The following STMP1 variants were observed in gnomAD, a reference collection of about 807,000 sequenced individuals.
STMP1 encodes mitolamban.
STMP1 carries 7 observed loss-of-function variants against 7.0 expected under a neutral mutation model. The observed-to-expected ratio is 1.01, with a 90% CI of 0.57 to 1.89. STMP1 has a LOEUF of 1.89. STMP1 is among the 40% of genes most tolerant of loss of function. The pLI is 0.00. For synonymous variants in STMP1, 19 were observed against 18.4 expected (o/e 1.03, Z -0.08); for missense variants, 45 against 53.0 (o/e 0.85, Z 0.47).
In STMP1 at chr7:135,662,569, C is replaced by A. The variant is rs753825751; in HGVS notation, c.-11C>A. 6.5e-7 allele frequency: 1 copy of A among 1,548,512 alleles called. No individual in the cohort carries two copies. On this transcript the variant is annotated 5_prime_UTR_variant, in exon 1 of 3. Coordinates refer to ENST00000507606, the MANE Select transcript of STMP1 (RefSeq NM_001130929.2). The stretch of plus-strand genomic sequence containing the variant: ...GTCCTTCGCGCCCTCCTCGCCCTCC[C>A]CACCGACATCATGCTCCAGTTCCTG...
intron 1 of STMP1, among the ~76,000 whole-genome samples, chr7:135,672,301 A>G (rs763544150): frequency 4.6e-5 from 7 of 152,222 alleles, no homozygotes; most frequent in Non-Finnish European, 8.8e-5. Context: ...TTAAAAACTG[A>G]ATAATTTTTA....
chr7:135,662,738 C>G (rs2129493109), intron 1 of STMP1, 144 bp downstream of exon 1: 1 of 902,148 alleles, frequency 1.1e-6, no homozygotes, highest in Non-Finnish European at 1.6e-6. Context: ...GTCGTCGCCT[C>G]GCAGGGCGGC....
intron 1 of STMP1, among the ~76,000 whole-genome samples, chr7:135,668,053 T>C (rs1795314951): frequency 6.6e-6 from 1 of 152,184 alleles, no homozygotes; most frequent in African/African-American, 2.4e-5. Flanking sequence ...CCCAGCACCA[T>C]TTCTTGGAAA....
Position 135,674,344 on chromosome 7 carries a change from G to T in STMP1, c.*179G>T, listed in dbSNP as rs547090304. On this transcript the variant is annotated 3_prime_UTR_variant, in exon 3 of 3. Transcript: ENST00000507606. ...TGGGGCCCCAATTTGAGAACTACCC[G>T]ACATTTCCAACATACTCACCTCTTC... The T allele has an allele frequency of 1.1e-5, 6 of 553,050 alleles. No individual in the cohort carries two copies. The South Asian group carries it at 1.6e-4, about 15-fold the overall frequency. The allele number at this position is 553,050 out of a possible 1,614,324, so 34.3% of individuals were successfully genotyped here.
chr7:135,662,619 G>A (rs1474686523), intron 1 of STMP1, 25 bp downstream of exon 1: 2 of 1,544,602 alleles, frequency 1.3e-6, no homozygotes, highest in South Asian at 1.2e-5. Flanking sequence ...CGAAGAGCGG[G>A]GCCCGCTGCC....
rs1328656516 is a variant in STMP1 at position 135,662,545 on chromosome 7, T to G, written c.-35T>G. 4 of 1,543,786 alleles carry G rather than the reference T, an allele frequency of 2.6e-6. No individual in the cohort carries two copies. Among genetic ancestry groups the G allele is most frequent in the African/African-American group, 1.4e-5 (1 of 72,050 alleles). On this transcript the variant is annotated 5_prime_UTR_variant, in exon 1 of 3. Coordinates refer to ENST00000507606, the MANE Select transcript of STMP1 (RefSeq NM_001130929.2). Reference sequence around the variant, plus strand: ...GGACCGGCCCGCGGAGCTGCTGCAGTCCTTCGCGCCCTCCTCGCCCTCCCC... The same window carrying G: ...GGACCGGCCCGCGGAGCTGCTGCAGGCCTTCGCGCCCTCCTCGCCCTCCCC...
At chr7:135,673,047 C>G in intron 2 of STMP1, 1 of 502,846 alleles carries the variant, frequency 2.0e-6, no homozygotes, top group South Asian at 3.2e-5. Context: ...TCATGATCAT[C>G]CTCAGCTGTG....
In STMP1 at chr7:135,662,577, A is replaced by G. The variant is rs556660259; in HGVS notation, c.-3A>G. On this transcript the variant is annotated 5_prime_UTR_variant, in exon 1 of 3. Transcript: ENST00000507606. ...CGCCCTCCTCGCCCTCCCCACCGAC[A>G]TCATGCTCCAGTTCCTGGTGAGTGG... 14 of 1,547,982 alleles carry G rather than the reference A, an allele frequency of 9.0e-6. No individual in the cohort carries two copies. Among genetic ancestry groups the G allele is most frequent in the East Asian group, 2.5e-5 (1 of 40,288 alleles).
chr7:135,669,874 A>C (rs868790478), intron 1 of STMP1, among the ~76,000 whole-genome samples: 4 of 152,384 alleles, frequency 2.6e-5, no homozygotes, highest in Middle Eastern at 3.4e-3. Context: ...CAAATGAGTT[A>C]TGATGAAATG....
chr7:135,674,069 A>T (rs1364313729), intron 2 of STMP1, 22 bp from the exon 3 acceptor site: 2 of 1,498,616 alleles, frequency 1.3e-6, no homozygotes, highest in Non-Finnish European at 1.8e-6. Flanking sequence ...CAAAATTATA[A>T]TAACCTTTTT....
intron 1 of STMP1, among the ~76,000 whole-genome samples, chr7:135,670,523 G>T (rs956819408): frequency 6.6e-6 from 1 of 152,078 alleles, no homozygotes; most frequent in African/African-American, 2.4e-5. Flanking sequence ...TGACCATCCC[G>T]TGAATGACAT....
Position 135,665,906 on chromosome 7 carries a change from CT to C in STMP1, c.15+3325del, listed in dbSNP as rs756029962. Among the ~76,000 whole-genome samples, 308 of 142,266 alleles carry C rather than the reference CT, an allele frequency of 2.2e-3. 1 individual carries two copies. Among genetic ancestry groups the C allele is most frequent in the South Asian group, 5.6e-3 (25 of 4,474 alleles). 93.3% of individuals were successfully genotyped at this position (142,266 alleles called of 152,430 possible). Reference sequence around the variant, plus strand: ...GTTATTGTGTTATTGTAATCTGTTGCTTTTTTTTTTTTTGAGACAGAATCTC... The same window carrying C: ...GTTATTGTGTTATTGTAATCTGTTGCTTTTTTTTTTTTGAGACAGAATCTC... On this transcript the variant is annotated intron_variant, in intron 1 of 2. Coordinates refer to ENST00000507606, the MANE Select transcript of STMP1 (RefSeq NM_001130929.2).
intron 2 of STMP1, among the ~76,000 whole-genome samples, chr7:135,673,650 C>A (rs1288024201): frequency 6.6e-6 from 1 of 152,098 alleles, no homozygotes; most frequent in Non-Finnish European, 1.5e-5. Flanking sequence ...TAAGAAATAC[C>A]ACTATTGGCC....
In STMP1 at chr7:135,676,239, T is replaced by C. The variant is rs1795413988; in HGVS notation, c.*2074T>C. On this transcript the variant is annotated 3_prime_UTR_variant, in exon 3 of 3. Coordinates refer to ENST00000507606, the MANE Select transcript of STMP1 (RefSeq NM_001130929.2). ...TTTTTAAACTTTTAGATTCATTTAA[T>C]AGGTAAATTGCATGTCACGGGTTTG... is the stretch of plus-strand genomic sequence containing the variant. The C allele has an allele frequency of 6.6e-6, 1 of 152,216 alleles. No homozygotes were observed. Among genetic ancestry groups the C allele is most frequent in the African/African-American group, 2.4e-5 (1 of 41,448 alleles). 9.4% of individuals were successfully genotyped at this position (152,216 alleles called of 1,614,324 possible). A position where few individuals can be genotyped will look rare whatever the true frequency, so the allele number is the denominator to read the frequency against.
intron 1 of STMP1, among the ~76,000 whole-genome samples, chr7:135,663,427 C>G: frequency 6.6e-6 from 1 of 151,980 alleles, no homozygotes; most frequent in Admixed American, 6.6e-5. Context: ...TCACTGGAAC[C>G]TCCGCCTCCC....
At position 135,675,197 on chromosome 7, in the gene STMP1, G is replaced by A. The variant is rs1795398475; in HGVS notation, c.*1032G>A. On this transcript the variant is annotated 3_prime_UTR_variant, in exon 3 of 3. Transcript: ENST00000507606. ...TTTTGCCATGGGACAAGATACAAAAGTAATTTCATATAAAGGGCCTCTCCC... is the reference window on the plus strand; with the variant it reads ...TTTTGCCATGGGACAAGATACAAAAATAATTTCATATAAAGGGCCTCTCCC... The A allele has an allele frequency of 6.6e-6, 1 of 152,058 alleles. No individual in the cohort carries two copies. The highest frequency in any genetic ancestry group is 1.5e-5 in the Non-Finnish European group (1 of 68,026). 9.4% of individuals were successfully genotyped at this position (152,058 alleles called of 1,614,324 possible).
chr7:135,671,596 T>G (rs906999289), intron 1 of STMP1, among the ~76,000 whole-genome samples: 1 of 152,224 alleles, frequency 6.6e-6, no homozygotes, highest in Non-Finnish European at 1.5e-5. Flanking sequence ...TGGATATATC[T>G]AAATTTTCAT....
At chr7:135,664,344 ATT>A (rs767469164) in intron 1 of STMP1, among the ~76,000 whole-genome samples, 268 of 114,966 alleles carry the variant, frequency 2.3e-3, no homozygotes, top group African/African-American at 6.2e-3. Context: ...CTGTGTGTTA[ATT>A]TTTTTTTTTT....
intron 2 of STMP1, 72 bp from the exon 3 acceptor site, chr7:135,674,017 CTT>C (rs888858808): frequency 9.8e-6 from 9 of 918,092 alleles, no homozygotes; most frequent in Non-Finnish European, 1.5e-5. Flanking sequence ...AACCATTTAT[CTT>C]TGGAGGAAGA....
Sources: gnomAD v4.1 joint callset for allele counts (sites outside exome capture counted in the v4.1 genomes callset) on GRCh38, gnomAD v4.1.1 for gene constraint, MANE v1.5 for transcripts, NCBI Gene and HGNC (gene_info 2026-07-23, HGNC 2026-07-21) for gene names.